The following RANBP17 variants were observed in gnomAD, a reference collection of about 807,000 sequenced individuals.
RANBP17 encodes the protein RAN binding protein 17.
Under a neutral mutation model 141.2 loss-of-function variants are expected in RANBP17, and 158 were observed. The observed-to-expected ratio is 1.12, with a 90% CI of 0.98 to 1.28. The LOEUF (loss-of-function observed/expected upper bound fraction) is 1.28. RANBP17 is among the 50% of genes most tolerant of loss of function. The pLI is 0.00. For missense variants in RANBP17, 1,438 were observed against 1,290.7 expected (o/e 1.11, Z -1.75); for synonymous variants, 430 against 450.0 (o/e 0.96, Z 0.56).
intron 7 of RANBP17, among the ~76,000 whole-genome samples, chr5:170,912,143 TACA>T (rs1017466046): frequency 2.0e-5 from 3 of 151,946 alleles, no homozygotes; most frequent in Non-Finnish European, 4.4e-5. Context: ...GATCAGAGAC[TACA>T]ACAACAAAGG....
chr5:171,240,750 T>A (rs577059679), intron 22 of RANBP17, among the ~76,000 whole-genome samples, 178 bp from the exon 23 acceptor site: 1 of 152,300 alleles, frequency 6.6e-6, no homozygotes, highest in Non-Finnish European at 1.5e-5. Context: ...CTTTTGTACT[T>A]CCAGGTAAAC....
At chr5:171,214,790 A>G (rs1466589614) in intron 21 of RANBP17, among the ~76,000 whole-genome samples, 1 of 152,098 alleles carries the variant, frequency 6.6e-6, no homozygotes, top group Admixed American at 6.6e-5. Context: ...TAACCAGAAA[A>G]TTAATATTAT....
chr5:170,948,677 A>G lies in RANBP17; in HGVS notation c.1469-4920A>G, dbSNP rs140727449. Among the ~76,000 whole-genome samples the G allele has an allele frequency of 6.1e-3, 926 of 152,276 alleles. 11 individuals carry two copies. Among genetic ancestry groups the G allele is most frequent in the Non-Finnish European group, 9.2e-3 (628 of 68,004 alleles). Reference sequence around the variant, plus strand: ...CCGGTGCAATCCACTTTAAAATCCCATGGGTTTTTTGCAGGGATTGACAAA... The same window carrying G: ...CCGGTGCAATCCACTTTAAAATCCCGTGGGTTTTTTGCAGGGATTGACAAA... On this transcript the variant is annotated intron_variant, in intron 12 of 27. Coordinates refer to ENST00000523189, the MANE Select transcript of RANBP17 (RefSeq NM_022897.5).
chr5:171,194,490 C>CTTAGCATGTTT (rs776656617), intron 18 of RANBP17, among the ~76,000 whole-genome samples: 12 of 152,132 alleles, frequency 7.9e-5, no homozygotes, highest in Non-Finnish European at 1.5e-4. Flanking sequence ...GCCTCTTCCA[C>CTTAGCATGTTT]TTAGCATGTT....
chr5:171,063,573 A>G (rs188099036), intron 14 of RANBP17, among the ~76,000 whole-genome samples: 2,757 of 152,124 alleles, frequency 0.018, 78 homozygotes, highest in African/African-American at 0.063. Flanking sequence ...TGCCCCTACT[A>G]GGGGGTGCCT....
chr5:170,998,175 T>C (rs905829189), intron 14 of RANBP17, among the ~76,000 whole-genome samples: 1 of 152,182 alleles, frequency 6.6e-6, no homozygotes, highest in Non-Finnish European at 1.5e-5. Flanking sequence ...TTACTTTTCT[T>C]TTATACTTAG....
At position 171,165,468 on chromosome 5, in the gene RANBP17, G is replaced by A. The variant is rs538856735; in HGVS notation, c.1711-4662G>A. 1.7e-4 allele frequency among the ~76,000 whole-genome samples: 26 copies of A among 152,136 alleles called. 1 individual carries two copies. In the East Asian group the frequency reaches 2.7e-3, roughly 16 times the overall value. On this transcript the variant is annotated intron_variant, in intron 14 of 27. Coordinates refer to ENST00000523189, the MANE Select transcript of RANBP17 (RefSeq NM_022897.5). ...GCTGGGATTATAGGCATGAGCCACC[G>A]CGCCCAGCCTAAAGTAGGTATTATT... is the stretch of plus-strand genomic sequence containing the variant.
chr5:170,993,840 A>G (rs1778655373), intron 14 of RANBP17, among the ~76,000 whole-genome samples: 2 of 152,114 alleles, frequency 1.3e-5, no homozygotes, highest in South Asian at 2.1e-4. Context: ...TGTTTTCTAC[A>G]TATCACAAGA....
rs765472457 is a variant in RANBP17, at chr5:170,968,395, A to G, written c.1710+18A>G. The G allele has an allele frequency of 2.5e-6, 4 of 1,597,370 alleles. No homozygotes were observed. Among genetic ancestry groups the G allele is most frequent in the Non-Finnish European group, 2.6e-6 (3 of 1,170,912 alleles). On this transcript the variant is annotated intron_variant, in intron 14 of 27. Transcript: ENST00000523189. ...CCTCAAAGGTAGGTTTCTACTAGAG[A>G]GTTTAAAACATGTTATTGGGGATGA...
intron 14 of RANBP17, among the ~76,000 whole-genome samples, chr5:171,106,636 T>C (rs1754857475): frequency 6.6e-6 from 1 of 152,178 alleles, no homozygotes; most frequent in Admixed American, 6.5e-5. Flanking sequence ...TGGGCATCGA[T>C]TTGTCTTTAT....
intron 4 of RANBP17, among the ~76,000 whole-genome samples, chr5:170,895,643 C>G (rs577240425): frequency 1.2e-3 from 177 of 152,258 alleles, no homozygotes; most frequent in Non-Finnish European, 1.8e-3. Flanking sequence ...GTGTCTCTAT[C>G]TCAATAGGCT....
intron 14 of RANBP17, among the ~76,000 whole-genome samples, chr5:171,004,074 A>G (rs1448458665): frequency 6.6e-6 from 1 of 152,202 alleles, no homozygotes; most frequent in African/African-American, 2.4e-5. Flanking sequence ...TTAGAAGCCC[A>G]TGCTGTAGCA....
chr5:170,960,688 A>ATCT (rs1459409769), intron 13 of RANBP17, among the ~76,000 whole-genome samples: 1 of 152,208 alleles, frequency 6.6e-6, no homozygotes, highest in East Asian at 1.9e-4. Context: ...TTGCAGCCAG[A>ATCT]GTAATCTTTC....
At chr5:171,046,365 C>A (rs1029247422) in intron 14 of RANBP17, among the ~76,000 whole-genome samples, 8 of 151,796 alleles carry the variant, frequency 5.3e-5, no homozygotes, top group African/African-American at 1.9e-4. Flanking sequence ...CGCTCCACCA[C>A]GTCCAGCTAA....
chr5:171,175,477 C>T (rs1054845227), intron 16 of RANBP17, among the ~76,000 whole-genome samples: 1 of 152,006 alleles, frequency 6.6e-6, no homozygotes, highest in Admixed American at 6.6e-5. Flanking sequence ...TAATGATCAC[C>T]GATCATCAGA....
chr5:171,107,854 C>T (rs1388624278), intron 14 of RANBP17, among the ~76,000 whole-genome samples: 1 of 152,168 alleles, frequency 6.6e-6, no homozygotes, highest in Non-Finnish European at 1.5e-5. Flanking sequence ...TTAATGCGTG[C>T]TTGCTGCATT....
At chr5:171,041,429 G>A (rs1447948959) in intron 14 of RANBP17, among the ~76,000 whole-genome samples, 1 of 152,036 alleles carries the variant, frequency 6.6e-6, no homozygotes, top group East Asian at 1.9e-4. Flanking sequence ...TTTGAAGGAA[G>A]TCCTGTAATA....
chr5:171,063,941 T>C (rs1351239486), intron 14 of RANBP17, among the ~76,000 whole-genome samples: 1 of 152,212 alleles, frequency 6.6e-6, no homozygotes. Flanking sequence ...TCAGCGAGAC[T>C]CCGTGGGCGT....
At chr5:171,282,780 G>A (rs1244939885) in intron 25 of RANBP17, among the ~76,000 whole-genome samples, 1 of 152,036 alleles carries the variant, frequency 6.6e-6, no homozygotes, top group Non-Finnish European at 1.5e-5. Context: ...GCACCTGGCT[G>A]AAAGCTGCAT....
Sources: gnomAD v4.1 joint callset for allele counts (sites outside exome capture counted in the v4.1 genomes callset) on GRCh38, gnomAD v4.1.1 for gene constraint, MANE v1.5 for transcripts, NCBI Gene and HGNC (gene_info 2026-07-23, HGNC 2026-07-21) for gene names.